The following NTNG2 variants were observed in gnomAD, a reference collection of about 807,000 sequenced individuals.
NTNG2 encodes netrin-G2.
NTNG2 carries 15 observed loss-of-function variants against 47.6 expected under a neutral mutation model. That is an observed-to-expected ratio of 0.32 (90% CI 0.21 to 0.49). NTNG2 has a LOEUF of 0.49. NTNG2 is among the 20% of genes least tolerant of loss of function. NTNG2 has a pLI of 0.99. For missense variants in NTNG2, 578 were observed against 764.6 expected (o/e 0.76, Z 2.88); for synonymous variants, 307 against 324.6 (o/e 0.95, Z 0.58).
At chr9:132,190,052 T>C (rs1189022276) in intron 2 of NTNG2, among the ~76,000 whole-genome samples, 15 of 147,462 alleles carry the variant, frequency 1.0e-4, no homozygotes, top group Non-Finnish European at 3.0e-5. Context: ...GCTAACACGG[T>C]GAAACCCCGT....
In NTNG2 at chr9:132,188,025, C is replaced by T. The variant is rs544115329; in HGVS notation, c.214-9941C>T. ...CCTGAGTCCTAATTCCATGGCCCCA[C>T]GGGTCAGGGCACCTATTGATTTATG... On this transcript the variant is annotated intron_variant, in intron 2 of 7. Transcript: ENST00000393229. 1.5e-4 allele frequency among the ~76,000 whole-genome samples: 23 copies of T among 152,354 alleles called. 1 individual carries two copies. Among genetic ancestry groups the T allele is most frequent in the Middle Eastern group, 6.8e-3 (2 of 294 alleles).
chr9:132,202,565 G>A (rs956504564), intron 3 of NTNG2, among the ~76,000 whole-genome samples: 7 of 152,340 alleles, frequency 4.6e-5, no homozygotes, highest in Admixed American at 3.3e-4. Flanking sequence ...GGGAAACTCA[G>A]GTGCGGAGCC....
chr9:132,178,380 G>A (rs1257338802), intron 2 of NTNG2, among the ~76,000 whole-genome samples: 1 of 152,146 alleles, frequency 6.6e-6, no homozygotes, highest in Non-Finnish European at 1.5e-5. Flanking sequence ...TTGTCCCACA[G>A]TCAGTGCTTG....
chr9:132,207,454 G>A (rs1047932693), intron 3 of NTNG2, among the ~76,000 whole-genome samples: 8 of 152,192 alleles, frequency 5.3e-5, no homozygotes, highest in African/African-American at 1.4e-4. Context: ...GCGGCTGTCC[G>A]CTCCCTGAGC....
chr9:132,221,800 G>C lies in NTNG2; in HGVS notation c.858-5049G>C, dbSNP rs1189622921. 6.6e-6 allele frequency among the ~76,000 whole-genome samples: 1 copy of C among 152,212 alleles called. No homozygotes were observed. The highest frequency in any genetic ancestry group is 1.5e-5 in the Non-Finnish European group (1 of 68,042). On this transcript the variant is annotated intron_variant, in intron 3 of 7. Coordinates refer to ENST00000393229, the MANE Select transcript of NTNG2 (RefSeq NM_032536.4). This position sits in a 1 kb window ranked among gnomAD's most constrained non-coding sequence, Gnocchi z 4.2. ...CTACCAGCACCACCCAGCCTGTCCA[G>C]CTCTGACATCCAATGGCTACCTATT...
In NTNG2 at chr9:132,197,861, G is replaced by A; in HGVS notation, c.214-105G>A. Reference sequence around the variant, plus strand: ...CCGGAGCACAGGCCCTGTAGCCACAGAGCAGGTTTCTCGGTTCGCAGGCAG... The same window carrying A: ...CCGGAGCACAGGCCCTGTAGCCACAAAGCAGGTTTCTCGGTTCGCAGGCAG... On this transcript the variant is annotated intron_variant, in intron 2 of 7. Coordinates refer to ENST00000393229, the MANE Select transcript of NTNG2 (RefSeq NM_032536.4). This position sits in a 1 kb window ranked among gnomAD's most constrained non-coding sequence, Gnocchi z 4.3. 9.1e-7 allele frequency: 1 copy of A among 1,095,788 alleles called. No individual in the cohort carries two copies. Among genetic ancestry groups the A allele is most frequent in the East Asian group, 2.5e-5 (1 of 39,794 alleles). The allele number at this position is 1,095,788 out of a possible 1,614,324, so 67.9% of individuals were successfully genotyped here.
intron 6 of NTNG2, 118 bp from the exon 7 acceptor site, chr9:132,240,792 T>TG: frequency 6.8e-7 from 1 of 1,480,686 alleles, no homozygotes; most frequent in Non-Finnish European, 9.2e-7. Flanking sequence ...GGACCCAGTG[T>TG]GGGGAGCATC....
chr9:132,173,230 C>T (rs1314772193), intron 2 of NTNG2, among the ~76,000 whole-genome samples: 2 of 152,236 alleles, frequency 1.3e-5, no homozygotes, highest in Non-Finnish European at 2.9e-5. Context: ...CACTCAGTCT[C>T]TTGAAATGCC....
chr9:132,242,476 TACAC>T lies in NTNG2; in HGVS notation c.*370_*373del, dbSNP rs1842052989. ...ACCCCGTCCTGCCTCCCACCACACT[TACAC>T]ACACGGGACTGTGGCCGACACCCCC... On this transcript the variant is annotated 3_prime_UTR_variant, in exon 8 of 8. Transcript: ENST00000393229. This position sits in a 1 kb window ranked among gnomAD's most constrained non-coding sequence, Gnocchi z 5.9. 1 of 151,146 alleles carries T rather than the reference TACAC, an allele frequency of 6.6e-6. No individual in the cohort carries two copies. The highest frequency in any genetic ancestry group is 2.0e-4 in the East Asian group (1 of 5,124). The allele number at this position is 151,146 out of a possible 1,614,324, so 9.4% of individuals were successfully genotyped here.
At chr9:132,186,123 C>T (rs547680676) in intron 2 of NTNG2, among the ~76,000 whole-genome samples, 4 of 152,182 alleles carry the variant, frequency 2.6e-5, no homozygotes, top group African/African-American at 9.7e-5. Context: ...GCCCCACACT[C>T]GAAGGAGGGA....
At chr9:132,220,971 T>TA (rs961765182) in intron 3 of NTNG2, among the ~76,000 whole-genome samples, 17 of 152,032 alleles carry the variant, frequency 1.1e-4, no homozygotes, top group East Asian at 3.9e-4. Context: ...AGTCTGACAT[T>TA]AAAAAAAACA....
intron 2 of NTNG2, among the ~76,000 whole-genome samples, chr9:132,169,478 A>G (rs1835737627): frequency 6.6e-6 from 1 of 152,220 alleles, no homozygotes; most frequent in African/African-American, 2.4e-5. Flanking sequence ...GGGTCCGGGC[A>G]GTAGGATGCT....
In NTNG2 at chr9:132,198,085, C is replaced by T. The variant is rs755299540; in HGVS notation, c.333C>T (p.Thr111=). ...EGLATYWQSI[T]WSRYPSPLEA... ...TGGCCACCTACTGGCAGAGCATCACCTGGAGCCGCTACCCCAGCCCGCTGG... is the reference window on the plus strand; with the variant it reads ...TGGCCACCTACTGGCAGAGCATCACTTGGAGCCGCTACCCCAGCCCGCTGG... The change falls in exon 3 of 8, where the codon ACC becomes ACT. Residue 111 remains threonine (T), a synonymous_variant. Transcript: ENST00000393229. 1 of 1,613,864 alleles carries T rather than the reference C, an allele frequency of 6.2e-7. No individual in the cohort carries two copies. The highest frequency in any genetic ancestry group is 8.5e-7 in the Non-Finnish European group (1 of 1,179,992).
intron 3 of NTNG2, among the ~76,000 whole-genome samples, chr9:132,214,105 G>A (rs1839802544): frequency 1.3e-5 from 2 of 152,204 alleles, no homozygotes; most frequent in Admixed American, 1.3e-4. Flanking sequence ...CACCATCCCT[G>A]GCTCGCTCAC....
intron 3 of NTNG2, among the ~76,000 whole-genome samples, chr9:132,216,381 C>CCTCTCTCTCTCTCT (rs1199246893): frequency 6.6e-5 from 8 of 120,930 alleles, no homozygotes; most frequent in African/African-American, 3.1e-4. Flanking sequence ...GCTGACTCAG[C>CCTCTCTCTCTCTCT]CTCTCTCTCT....
chr9:132,219,233 GAAAA>G (rs991338151), intron 3 of NTNG2, among the ~76,000 whole-genome samples: 4 of 141,798 alleles, frequency 2.8e-5, no homozygotes, highest in Non-Finnish European at 6.2e-5. Context: ...AAAAAAAAAA[GAAAA>G]AAAAAGTCAT....
At position 132,236,784 on chromosome 9, in the gene NTNG2, GAT is replaced by G. The variant is rs1841662051; in HGVS notation, c.1055-2318_1055-2317del. 6.6e-6 allele frequency among the ~76,000 whole-genome samples: 1 copy of G among 152,240 alleles called. No homozygotes were observed. On this transcript the variant is annotated intron_variant, in intron 5 of 7. Transcript: ENST00000393229. The surrounding 1 kb of genome is among the most constrained non-coding windows in gnomAD (Gnocchi z 4.3). ...CGGGACAGTGGCCTGCTCACCCACAGATAGGGCGTTGGGGTCCCAGCGGGATT... is the reference window on the plus strand; with the variant it reads ...CGGGACAGTGGCCTGCTCACCCACAGAGGGCGTTGGGGTCCCAGCGGGATT...
intron 3 of NTNG2, among the ~76,000 whole-genome samples, chr9:132,201,908 C>T (rs1261297749): frequency 6.6e-6 from 1 of 152,136 alleles, no homozygotes; most frequent in Non-Finnish European, 1.5e-5. Flanking sequence ...CCCCCAGCCT[C>T]GTGTTTTCAG....
Position 132,180,964 on chromosome 9 carries a change from C to T in NTNG2, c.213+13920C>T, listed in dbSNP as rs1836892343. On this transcript the variant is annotated intron_variant, in intron 2 of 7. Coordinates refer to ENST00000393229, the MANE Select transcript of NTNG2 (RefSeq NM_032536.4). This position sits in a 1 kb window ranked among gnomAD's most constrained non-coding sequence, Gnocchi z 4.2. ...AGGGACTTCCCAGATTTCTCTGAGT[C>T]CATCCGTGGTCACTTTCGGTCAATC... is the stretch of plus-strand genomic sequence containing the variant. Among the ~76,000 whole-genome samples, 1 of 152,234 alleles carries T rather than the reference C, an allele frequency of 6.6e-6. No individual in the cohort carries two copies. Among genetic ancestry groups the T allele is most frequent in the Non-Finnish European group, 1.5e-5 (1 of 68,050 alleles).
Sources: gnomAD v4.1 joint callset for allele counts (sites outside exome capture counted in the v4.1 genomes callset) on GRCh38, gnomAD v4.1.1 for gene constraint, Gnocchi (gnomAD v3.1) non-coding constraint, MANE v1.5 for transcripts, NCBI Gene and HGNC (gene_info 2026-07-23, HGNC 2026-07-21) for gene names.